The following PIWIL1 variants were observed in gnomAD, a reference collection of about 807,000 sequenced individuals.
The protein encoded by PIWIL1 is piwi-like protein 1.
PIWIL1 carries 73 observed loss-of-function variants against 114.4 expected under a neutral mutation model. That is an observed-to-expected ratio of 0.64 (90% CI 0.53 to 0.78). The LOEUF is 0.78. PIWIL1 is among the 30% of genes least tolerant of loss of function. The pLI is 0.00. For missense variants in PIWIL1, 723 were observed against 1,063.1 expected, an observed-to-expected ratio of 0.68 and a Z score of 4.45; for synonymous variants, 375 against 369.0, an observed-to-expected ratio of 1.02 and a Z score of -0.19.
chr12:130,381,944 G>A, the PIWIL1 span, among the ~76,000 whole-genome samples: 8 of 152,170 alleles, frequency 5.3e-5, no homozygotes, highest in Non-Finnish European at 1.0e-4. Flanking sequence ...CCATCTGTGT[G>A]TCTTCTGTGC....
chr12:130,363,352 C>A (rs2073566440), intron 18 of PIWIL1, among the ~76,000 whole-genome samples: 1 of 152,108 alleles, frequency 6.6e-6, no homozygotes, highest in African/African-American at 2.4e-5. Context: ...AGGGTCATTC[C>A]TTCACAGAAT....
the PIWIL1 span, among the ~76,000 whole-genome samples, chr12:130,402,260 A>G: frequency 6.6e-6 from 1 of 152,134 alleles, no homozygotes; most frequent in African/African-American, 2.4e-5. Flanking sequence ...CCTCAAGCTC[A>G]AGAGTTTCTA....
chr12:130,416,531 T>C, the PIWIL1 span, among the ~76,000 whole-genome samples: 1 of 152,196 alleles, frequency 6.6e-6, no homozygotes, highest in Non-Finnish European at 1.5e-5. Flanking sequence ...ATGCAGAAGA[T>C]TGAAACTGGA....
chr12:130,370,297 C>T (rs1421137604), intron 19 of PIWIL1, among the ~76,000 whole-genome samples: 1 of 151,156 alleles, frequency 6.6e-6, no homozygotes, highest in Non-Finnish European at 1.5e-5. Context: ...ACAGGCGGCT[C>T]TCTTTATCTG....
chr12:130,357,031 A>T lies in PIWIL1; in HGVS notation c.1518A>T (p.Glu506Asp), dbSNP rs772368398. The change falls in exon 13 of 21, where the codon GAA (glutamate) becomes GAT (aspartate). Residue 506 changes from glutamate to aspartate, a missense_variant. By Grantham distance (45) the Glu-to-Asp change is conservative. Around this residue, in one of 8 missense-constraint regions of PIWIL1, gnomAD observed 298 missense variants for 420.8 expected, o/e 0.71. Transcript: ENST00000245255. ...WLLIYTRRNYEAANSLIQNLF... is the reference protein window; with the variant it reads ...WLLIYTRRNYDAANSLIQNLF... ...TGATCTATACGCGAAGAAATTATGA[A>T]GCAGCCAATTCATTGATACAAAATC... The T allele has an allele frequency of 6.2e-7, 1 of 1,613,858 alleles. No individual in the cohort carries two copies. The highest frequency in any genetic ancestry group is 2.2e-5 in the East Asian group (1 of 44,884).
rs2073833386 is a variant in PIWIL1 at position 130,372,468 on chromosome 12, C to T, written c.*870C>T. The stretch of plus-strand genomic sequence containing the variant: ...TGAAACCCCATCTCTACTAAAAATA[C>T]AAAATTAGCCAGATGTGGTGCCAGG... On this transcript the variant is annotated 3_prime_UTR_variant, in exon 21 of 21. Coordinates refer to ENST00000245255, the MANE Select transcript of PIWIL1 (RefSeq NM_004764.5). The T allele has an allele frequency of 6.6e-6, 1 of 151,754 alleles. No individual in the cohort carries two copies. Among genetic ancestry groups the T allele is most frequent in the African/African-American group, 2.4e-5 (1 of 41,290 alleles). The allele number at this position is 151,754 out of a possible 1,614,324, so 9.4% of individuals were successfully genotyped here.
At chr12:130,381,748 G>A in the PIWIL1 span, among the ~76,000 whole-genome samples, 12 of 152,292 alleles carry the variant, frequency 7.9e-5, no homozygotes, top group African/African-American at 1.4e-4. Context: ...TTAGAATGGC[G>A]TACCATTTTG....
the PIWIL1 span, among the ~76,000 whole-genome samples, chr12:130,413,765 C>CTCCCTT: frequency 2.6e-5 from 4 of 152,042 alleles, no homozygotes; most frequent in Non-Finnish European, 4.4e-5. Context: ...CCCTTTTTCC[C>CTCCCTT]TCCCTTTCCC....
At chr12:130,340,173 C>T (rs879742687) in intron 1 of PIWIL1, among the ~76,000 whole-genome samples, 3 of 152,028 alleles carry the variant, frequency 2.0e-5, no homozygotes. Context: ...TCACTGGATT[C>T]TTGTGGTTTC....
chr12:130,376,158 C>T (rs563585758), downstream of PIWIL1, among the ~76,000 whole-genome samples: 6 of 152,328 alleles, frequency 3.9e-5, no homozygotes, highest in East Asian at 1.2e-3. Context: ...CTAGACGTCT[C>T]CCTTAGGCTG....
chr12:130,370,938 C>CA (rs1394722222), intron 19 of PIWIL1, among the ~76,000 whole-genome samples: 3 of 152,192 alleles, frequency 2.0e-5, no homozygotes, highest in African/African-American at 7.2e-5. Context: ...GGCATCATGA[C>CA]AGATATTTAA....
downstream of PIWIL1, among the ~76,000 whole-genome samples, chr12:130,374,312 G>A (rs61940169): frequency 0.51 from 76,981 of 151,974 alleles, 20,887 homozygotes; most frequent in East Asian, 0.63. Context: ...TATGATACGA[G>A]TCTTCAGATA....
At chr12:130,392,583 T>G in the PIWIL1 span, among the ~76,000 whole-genome samples, 1 of 121,418 alleles carries the variant, frequency 8.2e-6, no homozygotes, top group African/African-American at 3.4e-5. Flanking sequence ...TGGTGAATAT[T>G]GAATGTTGTG....
At chr12:130,357,846 A>G (rs898730115) in intron 14 of PIWIL1, among the ~76,000 whole-genome samples, 1 of 152,236 alleles carries the variant, frequency 6.6e-6, no homozygotes, top group Non-Finnish European at 1.5e-5. Flanking sequence ...TGGAAAATAC[A>G]GAAAAGCACA....
the PIWIL1 span, chr12:130,424,764 T>C: frequency 1.6e-6 from 2 of 1,232,602 alleles, no homozygotes; most frequent in Non-Finnish European, 2.0e-6. The surrounding 1 kb of genome is among the most constrained non-coding windows in gnomAD (Gnocchi z 9.8). Context: ...TTCCGCTACT[T>C]CGGGGATACT....
At chr12:130,414,670 A>G in the PIWIL1 span, 1 of 181,024 alleles carries the variant, frequency 5.5e-6, no homozygotes, top group Admixed American at 5.4e-5. Context: ...ATGGAAAGCT[A>G]AGCACAGCCC....
downstream of PIWIL1, among the ~76,000 whole-genome samples, chr12:130,375,486 C>A (rs1272173701): frequency 6.6e-6 from 1 of 152,224 alleles, no homozygotes; most frequent in African/African-American, 2.4e-5. Flanking sequence ...CAAGCTCCCA[C>A]CTGAACCGCG....
chr12:130,348,622 G>T (rs1022333072), intron 7 of PIWIL1, among the ~76,000 whole-genome samples: 2 of 152,170 alleles, frequency 1.3e-5, no homozygotes, highest in Non-Finnish European at 2.9e-5. Flanking sequence ...GAAATAAAAG[G>T]CCGGGCGTGG....
chr12:130,367,414 A>G (rs2073691065), intron 19 of PIWIL1, among the ~76,000 whole-genome samples, 156 bp downstream of exon 19: 1 of 152,234 alleles, frequency 6.6e-6, no homozygotes, highest in African/African-American at 2.4e-5. Context: ...AACATAATTA[A>G]TAAAGCCCAT....
Sources: gnomAD v4.1 joint callset for allele counts (sites outside exome capture counted in the v4.1 genomes callset) on GRCh38, gnomAD v4.1.1 for gene constraint, gnomAD v4.1.1 regional missense constraint, Gnocchi (gnomAD v3.1) non-coding constraint, MANE v1.5 for transcripts, NCBI Gene and HGNC (gene_info 2026-07-23, HGNC 2026-07-21) for gene names.